Variants in TRPS1 observed in about 807,000 individuals in gnomAD.
TRPS1 encodes the protein transcriptional repressor GATA binding 1, also known as zinc finger transcription factor Trps1.
Under a neutral mutation model 101.2 loss-of-function variants are expected in TRPS1, and 6 were observed. That is an observed-to-expected ratio of 0.06 (90% confidence interval 0.03 to 0.12). The LOEUF (loss-of-function observed/expected upper bound fraction) is 0.12, where lower values mean the gene tolerates loss of function less well. Ranked by LOEUF, TRPS1 falls within the 10% of genes least tolerant of loss-of-function variation. The pLI is 1.00. For synonymous variants in TRPS1, 578 were observed against 589.8 expected (o/e 0.98, Z 0.29); for missense variants, 1,363 against 1,567.0 (o/e 0.87, Z 2.20).
intron 1 of TRPS1, among the ~76,000 whole-genome samples, chr8:115,640,267 C>T (rs1169615376): frequency 6.6e-6 from 1 of 152,098 alleles, no homozygotes; most frequent in Non-Finnish European, 1.5e-5. Context: ...TAATATCCAT[C>T]TATATGTTAA....
intron 1 of TRPS1, among the ~76,000 whole-genome samples, chr8:115,628,325 A>G (rs1034232704): frequency 1.3e-5 from 2 of 151,804 alleles, no homozygotes; most frequent in African/African-American, 4.8e-5. Flanking sequence ...AACAAAAGGG[A>G]TTTAGAAATT....
chr8:115,421,009 CAG>C (rs1281830011), intron 5 of TRPS1, among the ~76,000 whole-genome samples: 1 of 144,552 alleles, frequency 6.9e-6, no homozygotes, highest in African/African-American at 2.6e-5. Context: ...TTTTTTGAGA[CAG>C]AGTCTCACTC....
intron 5 of TRPS1, among the ~76,000 whole-genome samples, chr8:115,529,521 C>A (rs1816080333): frequency 6.6e-6 from 1 of 152,016 alleles, no homozygotes; most frequent in Non-Finnish European, 1.5e-5. Flanking sequence ...AAAAAATGTG[C>A]CTTCACTGGA....
At chr8:115,568,610 T>C (rs1817125951) in intron 5 of TRPS1, among the ~76,000 whole-genome samples, 1 of 152,112 alleles carries the variant, frequency 6.6e-6, no homozygotes, top group Admixed American at 6.6e-5. Context: ...GCCACTGCTC[T>C]AAAAAATATA....
At chr8:115,610,607 CA>C (rs927682669) in intron 3 of TRPS1, among the ~76,000 whole-genome samples, 4 of 152,084 alleles carry the variant, frequency 2.6e-5, no homozygotes, top group African/African-American at 9.7e-5. Context: ...GGGGAGGGTA[CA>C]GGGGAAACCA....
At chr8:115,581,996 C>G (rs1185146246) in intron 5 of TRPS1, among the ~76,000 whole-genome samples, 2 of 152,024 alleles carry the variant, frequency 1.3e-5, no homozygotes, top group Admixed American at 1.3e-4. Flanking sequence ...TCAACTGCTA[C>G]CTAAAGAGAA....
chr8:115,467,500 C>G (rs1814354292), intron 5 of TRPS1, among the ~76,000 whole-genome samples: 1 of 151,448 alleles, frequency 6.6e-6, no homozygotes, highest in African/African-American at 2.4e-5. Flanking sequence ...TTATTCTGAA[C>G]TTTTCTGTGA....
chr8:115,534,646 A>G (rs1816237146), intron 5 of TRPS1, among the ~76,000 whole-genome samples: 1 of 152,198 alleles, frequency 6.6e-6, no homozygotes, highest in African/African-American at 2.4e-5. Context: ...CAACTCCCCA[A>G]AACTCATTCT....
intron 5 of TRPS1, 134 bp downstream of exon 5, chr8:115,586,867 G>A: frequency 6.7e-7 from 1 of 1,502,040 alleles, no homozygotes; most frequent in Non-Finnish European, 9.1e-7. Context: ...TTGGCCTTAG[G>A]AGTATAAATC....
At chr8:115,469,172 A>T (rs1022287359) in intron 5 of TRPS1, among the ~76,000 whole-genome samples, 2 of 152,066 alleles carry the variant, frequency 1.3e-5, no homozygotes, top group African/African-American at 4.8e-5. Flanking sequence ...ACATACACAC[A>T]CACATGCTGA....
chr8:115,489,609 C>T (rs1224855783), intron 5 of TRPS1, among the ~76,000 whole-genome samples: 5 of 151,936 alleles, frequency 3.3e-5, no homozygotes, highest in Admixed American at 1.3e-4. Context: ...TCTGAGGCCA[C>T]ATTATGTTTG....
intron 5 of TRPS1, among the ~76,000 whole-genome samples, chr8:115,442,711 C>T (rs901666199): frequency 3.9e-5 from 6 of 152,028 alleles, no homozygotes; most frequent in East Asian, 1.9e-4. Context: ...CCTGTAATTC[C>T]AGCACTTTGG....
At chr8:115,460,280 A>G (rs1814135078) in intron 5 of TRPS1, among the ~76,000 whole-genome samples, 1 of 152,010 alleles carries the variant, frequency 6.6e-6, no homozygotes, top group Non-Finnish European at 1.5e-5. Context: ...CTGAAATGTT[A>G]GTATTTTAGT....
At chr8:115,504,101 T>C (rs1218924661) in intron 5 of TRPS1, among the ~76,000 whole-genome samples, 1 of 152,206 alleles carries the variant, frequency 6.6e-6, no homozygotes, top group Non-Finnish European at 1.5e-5. Context: ...AACCTTCTCA[T>C]TTCCTACTGG....
At chr8:115,634,980 A>G (rs910706817) in intron 1 of TRPS1, among the ~76,000 whole-genome samples, 1 of 152,174 alleles carries the variant, frequency 6.6e-6, no homozygotes, top group Non-Finnish European at 1.5e-5. Context: ...AAGTCTCACC[A>G]ATGTAGTCCA....
intron 1 of TRPS1, among the ~76,000 whole-genome samples, chr8:115,656,071 T>C (rs1039356550): frequency 1.3e-5 from 2 of 152,302 alleles, no homozygotes; most frequent in Non-Finnish European, 2.9e-5. Flanking sequence ...AATTCCACTT[T>C]GCAGGGACTA....
chr8:115,538,182 C>A (rs960664459), intron 5 of TRPS1, among the ~76,000 whole-genome samples: 1 of 152,170 alleles, frequency 6.6e-6, no homozygotes, highest in Non-Finnish European at 1.5e-5. Flanking sequence ...CAAGGATAGA[C>A]GGATTAGTGA....
chr8:115,559,283 A>G (rs1173714847), intron 5 of TRPS1, among the ~76,000 whole-genome samples: 1 of 152,148 alleles, frequency 6.6e-6, no homozygotes, highest in African/African-American at 2.4e-5. Flanking sequence ...ATATTGATAC[A>G]AAAGTGAGAG....
chr8:115,459,899 G>T (rs907928593), intron 5 of TRPS1, among the ~76,000 whole-genome samples: 16 of 152,204 alleles, frequency 1.1e-4, no homozygotes, highest in African/African-American at 3.9e-4. Context: ...TGTCCAAAAG[G>T]TTGGCCCAAC....
Sources: allele counts gnomAD v4.1 joint callset (sites outside exome capture counted in the v4.1 genomes callset), GRCh38; gene constraint gnomAD v4.1.1; transcripts MANE v1.5; gene names NCBI Gene and HGNC (gene_info 2026-07-23, HGNC 2026-07-21).